TAFA5: variants seen among roughly 807,000 people sequenced by gnomAD.
The protein encoded by TAFA5 is TAFA chemokine like family member 5.
TAFA5 carries 6 observed loss-of-function variants against 15.3 expected under a neutral mutation model. That is an observed-to-expected ratio of 0.39 (90% CI 0.21 to 0.77). The LOEUF (loss-of-function observed/expected upper bound fraction) is 0.77. Ranked by LOEUF, TAFA5 falls within the 30% of genes least tolerant of loss-of-function variation. The pLI, the probability that TAFA5 is intolerant of heterozygous loss-of-function variation, is 0.41. For missense variants in TAFA5, 161 were observed against 193.1 expected (o/e 0.83, Z 0.98); for synonymous variants, 103 against 80.7 (o/e 1.28, Z -1.48).
At chr22:48,637,676 G>A (rs1460400379) in intron 1 of TAFA5, among the ~76,000 whole-genome samples, 4 of 151,976 alleles carry the variant, frequency 2.6e-5, no homozygotes, top group Admixed American at 6.6e-5. Context: ...TGTGTGTTTC[G>A]GGTGTGCGCA....
At chr22:48,697,020 C>T (rs967911841) in intron 2 of TAFA5, among the ~76,000 whole-genome samples, 25 of 152,128 alleles carry the variant, frequency 1.6e-4, no homozygotes, top group African/African-American at 4.8e-4. Context: ...AAAGGGCTTC[C>T]TTGAAGGGAT....
intron 1 of TAFA5, among the ~76,000 whole-genome samples, chr22:48,615,707 C>T (rs1028749362): frequency 6.6e-6 from 1 of 152,220 alleles, no homozygotes; most frequent in Non-Finnish European, 1.5e-5. Context: ...CCCCATCCCC[C>T]CCTCTCCAGG....
chr22:48,516,568 G>A (rs1160399789), intron 1 of TAFA5, among the ~76,000 whole-genome samples: 3 of 152,208 alleles, frequency 2.0e-5, no homozygotes, highest in East Asian at 1.9e-4. Context: ...CCATACCCAC[G>A]GCAAGGTGAG....
At chr22:48,501,631 G>A (rs1920952587) in intron 1 of TAFA5, among the ~76,000 whole-genome samples, 1 of 152,182 alleles carries the variant, frequency 6.6e-6, no homozygotes, top group Admixed American at 6.5e-5. Context: ...TGACCTCCCA[G>A]GCCTCACGGG....
intron 1 of TAFA5, among the ~76,000 whole-genome samples, chr22:48,586,203 G>A (rs1378303228): frequency 6.6e-6 from 1 of 152,270 alleles, no homozygotes; most frequent in Non-Finnish European, 1.5e-5. Context: ...CCAGAGGATA[G>A]CAGGACAGGT....
intron 2 of TAFA5, among the ~76,000 whole-genome samples, chr22:48,691,964 G>A (rs1171163461): frequency 2.6e-5 from 4 of 152,190 alleles, no homozygotes; most frequent in African/African-American, 9.6e-5. Flanking sequence ...GCCCTGGAGG[G>A]CTGAGTCGTC....
intron 3 of TAFA5, among the ~76,000 whole-genome samples, chr22:48,728,794 A>T (rs1929779374): frequency 6.6e-6 from 1 of 152,258 alleles, no homozygotes. Context: ...AATGAATTTT[A>T]AAAAGAAAGG....
intron 1 of TAFA5, among the ~76,000 whole-genome samples, chr22:48,531,737 G>A (rs953931319): frequency 5.3e-5 from 8 of 152,192 alleles, no homozygotes; most frequent in Non-Finnish European, 7.3e-5. Context: ...AAAGGGGTTT[G>A]TACAGGGAGG....
At chr22:48,732,597 G>C (rs1173090296) in intron 3 of TAFA5, among the ~76,000 whole-genome samples, 1 of 152,182 alleles carries the variant, frequency 6.6e-6, no homozygotes, top group African/African-American at 2.4e-5. Flanking sequence ...TGGTGAAGAT[G>C]CTGTGAACAT....
rs1930436969 is a variant in TAFA5, at chr22:48,750,016, C to T, written c.*169C>T. 1.2e-5 allele frequency: 8 copies of T among 688,232 alleles called. No individual in the cohort carries two copies. Among genetic ancestry groups the T allele is most frequent in the South Asian group, 7.1e-5 (4 of 56,196 alleles). The allele number at this position is 688,232 out of a possible 1,614,324, so 42.6% of individuals were successfully genotyped here. A position where few individuals can be genotyped will look rare whatever the true frequency, so the allele number is the denominator to read the frequency against. The stretch of plus-strand genomic sequence containing the variant: ...CCTCAGGCCTTGGCATCCTGAGCTT[C>T]GGTCTGTCCAGCCGACCCGAGGAGG... On this transcript the variant is annotated 3_prime_UTR_variant, in exon 4 of 4. Coordinates refer to ENST00000402357, the MANE Select transcript of TAFA5 (RefSeq NM_001082967.3).
intron 2 of TAFA5, among the ~76,000 whole-genome samples, chr22:48,673,387 C>CTCCCAGGCAGTCCTGCCTGT (rs1383347271): frequency 9.2e-5 from 14 of 152,356 alleles, no homozygotes; most frequent in African/African-American, 3.4e-4. Flanking sequence ...GTCAGTTTCC[C>CTCCCAGGCAGTCCTGCCTGT]TCCCAGGCAG....
chr22:48,562,304 AT>A (rs1464256846), intron 1 of TAFA5, among the ~76,000 whole-genome samples: 2 of 152,102 alleles, frequency 1.3e-5, no homozygotes, highest in East Asian at 1.9e-4. Flanking sequence ...TGCCCGGCTA[AT>A]TTTTTTGTAT....
At chr22:48,549,129 A>T (rs1922776576) in intron 1 of TAFA5, among the ~76,000 whole-genome samples, 1 of 152,236 alleles carries the variant, frequency 6.6e-6, no homozygotes, top group African/African-American at 2.4e-5. Flanking sequence ...CACCTTTCTC[A>T]AAGGGAATGA....
At chr22:48,666,732 G>A (rs1038515967) in intron 2 of TAFA5, among the ~76,000 whole-genome samples, 4 of 152,220 alleles carry the variant, frequency 2.6e-5, no homozygotes, top group East Asian at 3.9e-4. Flanking sequence ...CCTTGTCGGA[G>A]CGGGTTTCAC....
chr22:48,547,903 T>A (rs1922730571), intron 1 of TAFA5, among the ~76,000 whole-genome samples: 1 of 152,218 alleles, frequency 6.6e-6, no homozygotes, highest in Non-Finnish European at 1.5e-5. Flanking sequence ...ATCCCATGGC[T>A]AACCGGTGAT....
Position 48,639,274 on chromosome 22 carries a change from C to A in TAFA5, c.113-7323C>A, listed in dbSNP as rs546190964. Among the ~76,000 whole-genome samples, 3 of 152,344 alleles carry A rather than the reference C, an allele frequency of 2.0e-5. No homozygotes were observed. In the South Asian group the frequency reaches 6.2e-4, roughly 32 times the overall value. ...CACTGTGGGTCACCTCGGGCCGCCC[C>A]CTGCCCTCAGGCCTGCGGGGCCCCT... On this transcript the variant is annotated intron_variant, in intron 1 of 3. Coordinates refer to ENST00000402357, the MANE Select transcript of TAFA5 (RefSeq NM_001082967.3).
chr22:48,708,786 C>T (rs1330155178), intron 3 of TAFA5, among the ~76,000 whole-genome samples: 1 of 152,218 alleles, frequency 6.6e-6, no homozygotes, highest in Non-Finnish European at 1.5e-5. Context: ...CCCCTGGCAT[C>T]CGAGCCTCCT....
chr22:48,616,183 G>A (rs1925597086), intron 1 of TAFA5, among the ~76,000 whole-genome samples: 1 of 152,128 alleles, frequency 6.6e-6, no homozygotes, highest in African/African-American at 2.4e-5. Context: ...CTCTCAGCAG[G>A]GAGTGAGGGT....
intron 1 of TAFA5, among the ~76,000 whole-genome samples, chr22:48,523,999 G>T (rs133490): frequency 1.3e-5 from 2 of 152,150 alleles, no homozygotes; most frequent in African/African-American, 4.8e-5. Flanking sequence ...ACCTGCCCCG[G>T]GGCCGGGCTG....
Sources: allele counts gnomAD v4.1 joint callset (sites outside exome capture counted in the v4.1 genomes callset), GRCh38; gene constraint gnomAD v4.1.1; transcripts MANE v1.5; gene names NCBI Gene and HGNC (gene_info 2026-07-23, HGNC 2026-07-21).